FAM180A: variants seen among roughly 807,000 people sequenced by gnomAD.
FAM180A encodes the protein family with sequence similarity 180 member A, also known as protein FAM180A.
FAM180A carries 14 observed loss-of-function variants against 15.3 expected under a neutral mutation model. The ratio of observed to expected loss-of-function variants is 0.92; its 90% CI spans 0.61 to 1.43. FAM180A has a LOEUF of 1.43. FAM180A is among the 40% of genes most tolerant of loss of function. The pLI, the probability that FAM180A is intolerant of heterozygous loss-of-function variation, is 0.00. For missense variants in FAM180A, 200 were observed against 220.8 expected, an observed-to-expected ratio of 0.91 and a Z score of 0.60; for synonymous variants, 90 against 96.8, an observed-to-expected ratio of 0.93 and a Z score of 0.41.
intron 2 of FAM180A, among the ~76,000 whole-genome samples, chr7:135,735,546 T>C (rs1268320334): frequency 6.6e-6 from 1 of 152,202 alleles, no homozygotes; most frequent in East Asian, 1.9e-4. Flanking sequence ...TCATCCTCCA[T>C]GGCACTGTCT....
At chr7:135,732,645 A>G (rs905466537) in intron 3 of FAM180A, among the ~76,000 whole-genome samples, 1 of 151,914 alleles carries the variant, frequency 6.6e-6, no homozygotes, top group Non-Finnish European at 1.5e-5. Flanking sequence ...GCGAGCCGAG[A>G]TAGTGCCACT....
intron 1 of FAM180A, among the ~76,000 whole-genome samples, chr7:135,740,974 CAAAAAAA>C (rs66604052): frequency 6.6e-6 from 1 of 150,410 alleles, no homozygotes; most frequent in African/African-American, 2.4e-5. Flanking sequence ...CAAAACAAAA[CAAAAAAA>C]AAAACCTCAG....
chr7:135,738,342 T>C (rs1796900389), intron 1 of FAM180A, among the ~76,000 whole-genome samples: 1 of 152,154 alleles, frequency 6.6e-6, no homozygotes, highest in Non-Finnish European at 1.5e-5. Flanking sequence ...TACAGATGTG[T>C]GCCACCACGC....
chr7:135,744,610 C>T (rs1797002047), intron 1 of FAM180A, among the ~76,000 whole-genome samples: 1 of 152,162 alleles, frequency 6.6e-6, no homozygotes, highest in African/African-American at 2.4e-5. Context: ...CTGGAAAGCT[C>T]CACCATGTAG....
chr7:135,743,709 T>C (rs2129496229), intron 1 of FAM180A, among the ~76,000 whole-genome samples: 1 of 152,294 alleles, frequency 6.6e-6, no homozygotes, highest in East Asian at 1.9e-4. Flanking sequence ...CATTTTAAAA[T>C]ATAAATATAT....
intron 1 of FAM180A, among the ~76,000 whole-genome samples, chr7:135,744,090 C>T (rs1004724497): frequency 4.6e-5 from 7 of 152,202 alleles, no homozygotes; most frequent in African/African-American, 1.7e-4. Context: ...CTCCCCCACA[C>T]CTTAGCCCTT....
chr7:135,734,928 G>A (rs1376745177), intron 2 of FAM180A, among the ~76,000 whole-genome samples: 1 of 152,146 alleles, frequency 6.6e-6, no homozygotes, highest in Non-Finnish European at 1.5e-5. Flanking sequence ...TTGAGATGGA[G>A]TCTCACTCTG....
At chr7:135,746,055 G>A (rs1394177727) in intron 1 of FAM180A, among the ~76,000 whole-genome samples, 1 of 152,068 alleles carries the variant, frequency 6.6e-6, no homozygotes. Context: ...ATTTGATGAT[G>A]GTTGGAGGGA....
intron 3 of FAM180A, among the ~76,000 whole-genome samples, chr7:135,732,911 A>T (rs1363825305): frequency 6.6e-6 from 1 of 152,226 alleles, no homozygotes; most frequent in Non-Finnish European, 1.5e-5. Flanking sequence ...TTGTCTGATG[A>T]TGCTAAATTA....
Position 135,729,756 on chromosome 7 carries a change from A to G in FAM180A, c.*855T>C. On this transcript the variant is annotated 3_prime_UTR_variant, in exon 4 of 4. Coordinates refer to ENST00000338588, the MANE Select transcript of FAM180A (RefSeq NM_205855.4). Reference sequence around the variant, plus strand: ...CTTTTCCAGAATACAATGCTCAAGAAATGTAAGCCAGATCCCGCTTGTATG... The same window carrying G: ...CTTTTCCAGAATACAATGCTCAAGAGATGTAAGCCAGATCCCGCTTGTATG... The G allele has an allele frequency of 1.0e-6, 1 of 985,306 alleles. No individual in the cohort carries two copies. Among genetic ancestry groups the G allele is most frequent in the Non-Finnish European group, 1.2e-6 (1 of 829,884 alleles). 61.0% of individuals were successfully genotyped at this position (985,306 alleles called of 1,614,324 possible).
chr7:135,735,871 T>A (rs1796862576), intron 2 of FAM180A, among the ~76,000 whole-genome samples: 1 of 151,036 alleles, frequency 6.6e-6, no homozygotes, highest in South Asian at 2.1e-4. Flanking sequence ...GCCAGCTAAT[T>A]TTTGTATTTT....
chr7:135,733,535 T>A, intron 3 of FAM180A, 111 bp downstream of exon 3: 1 of 474,304 alleles, frequency 2.1e-6, no homozygotes, highest in Non-Finnish European at 2.8e-6. Flanking sequence ...TTAGTAGAGA[T>A]GGGTTTTCAC....
Position 135,747,326 on chromosome 7 carries a change from C to T in FAM180A, c.76+1179G>A, listed in dbSNP as rs187851477. 1.3e-4 allele frequency among the ~76,000 whole-genome samples: 19 copies of T among 151,806 alleles called. No individual in the cohort carries two copies. The East Asian group carries it at 1.6e-3, about 12-fold the overall frequency. ...TAAAAAAAGAAAAGGGAGGGGTGTA[C>T]GTGTGTATGTGCATGTGTATGCAAG... On this transcript the variant is annotated intron_variant, in intron 1 of 3. Transcript: ENST00000338588.
Position 135,734,021 on chromosome 7 carries a change from A to G in FAM180A, c.476T>C (p.Leu159Pro), listed in dbSNP as rs542884066. The change falls in exon 3 of 4, where the codon CTG becomes CCG. Residue 159 changes from leucine to proline, a missense_variant. Transcript: ENST00000338588. ...AQSLVSLFQALRHDLMRSSQP... is the reference protein window; with the variant it reads ...AQSLVSLFQAPRHDLMRSSQP... Reference sequence around the variant, plus strand: ...TGAGGAGCGCATCAAGTCGTGCCTCAGGGCCTGGAAGAGGCTAACGAGGGA... The same window carrying G: ...TGAGGAGCGCATCAAGTCGTGCCTCGGGGCCTGGAAGAGGCTAACGAGGGA... 16 of 1,613,720 alleles carry G rather than the reference A, an allele frequency of 9.9e-6. No homozygotes were observed. The South Asian group carries it at 1.6e-4, about 17-fold the overall frequency.
chr7:135,742,150 A>C lies in FAM180A; in HGVS notation c.77-4951T>G, dbSNP rs565443020. Among the ~76,000 whole-genome samples the C allele has an allele frequency of 6.6e-4, 100 of 152,324 alleles. 2 individuals carry two copies. The highest frequency in any genetic ancestry group is 2.2e-4 in the Non-Finnish European group (15 of 68,024). ...AGGGCAGACATCTCAGTGGCTCGGC[A>C]GCCACCCAGATCTGACTCCCTGTGT... is the stretch of plus-strand genomic sequence containing the variant. On this transcript the variant is annotated intron_variant, in intron 1 of 3. Coordinates refer to ENST00000338588, the MANE Select transcript of FAM180A (RefSeq NM_205855.4).
At chr7:135,730,475 C>T (rs1311478483) in intron 3 of FAM180A, among the ~76,000 whole-genome samples, 194 bp from the exon 4 acceptor site, 1 of 151,990 alleles carries the variant, frequency 6.6e-6, no homozygotes, top group African/African-American at 2.4e-5. Context: ...ACACTGTAGG[C>T]GGAGGTGCCA....
intron 1 of FAM180A, among the ~76,000 whole-genome samples, chr7:135,747,101 A>T (rs1563182196): frequency 6.6e-6 from 1 of 152,208 alleles, no homozygotes; most frequent in Admixed American, 6.5e-5. Context: ...CTCCGTCTCA[A>T]AAATAAATAA....
chr7:135,734,017 C>T lies in FAM180A; in HGVS notation c.480G>A (p.Arg160=). 1.2e-6 allele frequency: 2 copies of T among 1,613,220 alleles called. No individual in the cohort carries two copies. ...GCTGTGAGGAGCGCATCAAGTCGTG[C>T]CTCAGGGCCTGGAAGAGGCTAACGA... is the stretch of plus-strand genomic sequence containing the variant. ...QSLVSLFQAL[R]HDLMRSSQPG... is the part of the protein sequence containing the mutation. The change falls in exon 3 of 4, where the codon AGG becomes AGA. Residue 160 remains arginine (R), a synonymous_variant. Transcript: ENST00000338588.
At chr7:135,739,577 A>G (rs1167146207) in intron 1 of FAM180A, among the ~76,000 whole-genome samples, 4 of 151,986 alleles carry the variant, frequency 2.6e-5, no homozygotes, top group Non-Finnish European at 4.4e-5. Context: ...GCGCCACTGC[A>G]CTACAGCCTG....
Sources: gnomAD v4.1 joint callset for allele counts (sites outside exome capture counted in the v4.1 genomes callset) on GRCh38, gnomAD v4.1.1 for gene constraint, MANE v1.5 for transcripts, NCBI Gene and HGNC (gene_info 2026-07-23, HGNC 2026-07-21) for gene names.